Variants in PRKDC observed in about 807,000 individuals in gnomAD.
PRKDC encodes protein kinase, DNA-activated, catalytic subunit.
Under a neutral mutation model 486.9 loss-of-function variants are expected in PRKDC, and 82 were observed. The ratio of observed to expected loss-of-function variants is 0.17; its 90% CI spans 0.14 to 0.20. The LOEUF (loss-of-function observed/expected upper bound fraction) is 0.20. PRKDC is among the 10% of genes least tolerant of loss of function. The pLI is 1.00. For synonymous variants in PRKDC, 1,895 were observed against 1,837.0 expected (o/e 1.03, Z -0.81); for missense variants, 4,504 against 5,038.2 (o/e 0.89, Z 3.21).
Position 47,932,980 on chromosome 8 carries a change from C to G in PRKDC, c.1776+40G>C. ...TATTTATATGCAAAGACAGCTGATA[C>G]AAAAATGATGAAAAATTACTACTGA... On this transcript the variant is annotated intron_variant, in intron 16 of 85. Transcript: ENST00000314191. 5 of 1,519,764 alleles carry G rather than the reference C, an allele frequency of 3.3e-6. No individual in the cohort carries two copies. The South Asian group carries it at 3.8e-5, about 12-fold the overall frequency. 94.1% of individuals were successfully genotyped at this position (1,519,764 alleles called of 1,614,324 possible). A position where few individuals can be genotyped will look rare whatever the true frequency, so the allele number is the denominator to read the frequency against.
At chr8:47,818,578 CAAAAAAAAAAAA>C (rs1174698261) in intron 67 of PRKDC, among the ~76,000 whole-genome samples, 2 of 36,120 alleles carry the variant, frequency 5.5e-5, no homozygotes, top group Non-Finnish European at 1.3e-4. Flanking sequence ...GACTCCGTCT[CAAAAAAAAAAAA>C]AAAAAAAAAA....
chr8:47,933,920 T>C (rs781486231), intron 15 of PRKDC, 45 bp downstream of exon 15: 1 of 1,562,514 alleles, frequency 6.4e-7, no homozygotes, highest in Non-Finnish European at 8.7e-7. Context: ...TGGAGACTAA[T>C]AAAGGAAGTA....
intron 70 of PRKDC, among the ~76,000 whole-genome samples, chr8:47,801,990 A>C (rs1480007415): frequency 6.6e-6 from 1 of 152,204 alleles, no homozygotes; most frequent in Admixed American, 6.5e-5. Flanking sequence ...ACTAATATTA[A>C]CATCAGCAAA....
chr8:47,838,426 A>G (rs2088073008), intron 56 of PRKDC, among the ~76,000 whole-genome samples: 1 of 152,186 alleles, frequency 6.6e-6, no homozygotes. Context: ...AACTTGGGTA[A>G]CATAGCAAGA....
intron 68 of PRKDC, among the ~76,000 whole-genome samples, chr8:47,813,387 G>GTT (rs1275100236): frequency 1.9e-4 from 29 of 152,034 alleles, no homozygotes; most frequent in African/African-American, 4.3e-4. Context: ...TAAAGTGCTG[G>GTT]GATTACAGGT....
chr8:47,849,272 T>G lies in PRKDC; in HGVS notation c.7162A>C (p.Lys2388Gln), dbSNP rs1283225747. The change falls in exon 54 of 86, where the codon AAA (lysine) becomes CAA (glutamine). Residue 2388 changes from lysine to glutamine, a missense_variant. Lys to Gln is a moderately conservative substitution (Grantham distance 53, BLOSUM62 1). This residue lies in a region of PRKDC where 1,592 missense variants were observed against 1,724.6 expected (regional missense o/e 0.92). Transcript: ENST00000314191. The part of the protein sequence containing the change: ...FMNAVFFLLP[K>Q]FHGVLKTLCL... The stretch of plus-strand genomic sequence containing the variant: ...AGTGTTTTCAACACTCCATGAAATT[T>G]TGGCAGCAGAAAGAACACAGCATTC... 1.9e-6 allele frequency: 3 copies of G among 1,613,740 alleles called. No individual in the cohort carries two copies. The highest frequency in any genetic ancestry group is 2.5e-6 in the Non-Finnish European group (3 of 1,179,874).
Position 47,859,612 on chromosome 8 carries a change from C to G in PRKDC, c.6206G>C (p.Arg2069Pro). The change falls in exon 46 of 86, where the codon CGG becomes CCG. Residue 2069 changes from arginine (R) to proline (P), a missense_variant and splice_region_variant. Arg to Pro is a moderately radical substitution (Grantham distance 103, BLOSUM62 -2). Transcript: ENST00000314191. ...PRPATGRFRR[R>P]EQRDPTVHDD... is the part of the protein sequence containing the mutation. Reference sequence around the variant, plus strand: ...TTTTAGTATGTGAAATGTGATCACCCGTCTCCGAAAACGACCAGTGGCAGG... The same window carrying G: ...TTTTAGTATGTGAAATGTGATCACCGGTCTCCGAAAACGACCAGTGGCAGG... The G allele has an allele frequency of 1.2e-6, 2 of 1,611,350 alleles. No homozygotes were observed. The highest frequency in any genetic ancestry group is 1.7e-6 in the Non-Finnish European group (2 of 1,178,724).
At chr8:47,923,366 G>A (rs187293072) in intron 21 of PRKDC, among the ~76,000 whole-genome samples, 1 of 152,252 alleles carries the variant, frequency 6.6e-6, no homozygotes, top group Admixed American at 6.5e-5. Flanking sequence ...ATCATTCTAT[G>A]TAATCTGCCA....
chr8:47,896,466 T>C (rs968155749), intron 30 of PRKDC, among the ~76,000 whole-genome samples: 1 of 151,892 alleles, frequency 6.6e-6, no homozygotes, highest in Non-Finnish European at 1.5e-5. Flanking sequence ...GCTAACACGG[T>C]GAAACCCCGT....
At chr8:47,927,916 T>C (rs752729793) in intron 19 of PRKDC, 26 bp from the exon 20 acceptor site, 3 of 1,473,232 alleles carry the variant, frequency 2.0e-6, no homozygotes, top group Non-Finnish European at 2.7e-6. Context: ...GACAGTAATG[T>C]ATATCTGAAT....
chr8:47,949,764 G>A (rs933378972), intron 7 of PRKDC, among the ~76,000 whole-genome samples: 25 of 152,140 alleles, frequency 1.6e-4, no homozygotes, highest in African/African-American at 5.8e-4. Flanking sequence ...ATACAGGAGA[G>A]AGGAGAGAGA....
Position 47,939,607 on chromosome 8 carries a change from C to A in PRKDC, c.1057G>T (p.Asp353Tyr). The A allele has an allele frequency of 6.2e-7, 1 of 1,613,648 alleles. No individual in the cohort carries two copies. Among genetic ancestry groups the A allele is most frequent in the Non-Finnish European group, 8.5e-7 (1 of 1,179,612 alleles). ...EQFYGIIRNV[D>Y]SNNKELSIAI... ...ATAGATAACTCCTTGTTGTTCGAAT[C>A]CACATTTCTGATGATTCCATAAAAC... Residue 353 changes from aspartate (D) to tyrosine (Y), a missense_variant, in exon 11 of 86, where the codon GAT becomes TAT. By Grantham distance (160) the Asp-to-Tyr change is radical. Coordinates refer to ENST00000314191, the MANE Select transcript of PRKDC (RefSeq NM_006904.7).
At chr8:47,893,598 T>C (rs1374260526) in intron 30 of PRKDC, among the ~76,000 whole-genome samples, 1 of 152,230 alleles carries the variant, frequency 6.6e-6, no homozygotes, top group African/African-American at 2.4e-5. Context: ...TTGGACACCA[T>C]TTGGAGTAGC....
intron 85 of PRKDC, 79 bp downstream of exon 85, chr8:47,776,762 GCAC>G: frequency 6.6e-7 from 1 of 1,513,174 alleles, no homozygotes; most frequent in Non-Finnish European, 9.0e-7. Context: ...CAAGAGCTCA[GCAC>G]TTTGTATATA....
At chr8:47,882,453 TATGCACAA>T (rs2089240833) in intron 36 of PRKDC, among the ~76,000 whole-genome samples, 2 of 150,574 alleles carry the variant, frequency 1.3e-5, no homozygotes, top group South Asian at 4.2e-4. Flanking sequence ...AATATGCACA[TATGCACAA>T]ATGCACACTT....
At chr8:47,859,795 A>C (rs764030977) in intron 45 of PRKDC, 36 bp from the exon 46 acceptor site, 2 of 1,541,758 alleles carry the variant, frequency 1.3e-6, no homozygotes, top group South Asian at 2.3e-5. Flanking sequence ...ACATGTATTC[A>C]AACATAATTA....
intron 55 of PRKDC, 67 bp downstream of exon 55, chr8:47,839,949 C>A (rs752397967): frequency 2.4e-5 from 31 of 1,295,902 alleles, no homozygotes; most frequent in Non-Finnish European, 3.1e-5. Flanking sequence ...TGTACTCCAG[C>A]CTCGTCGACA....
intron 22 of PRKDC, among the ~76,000 whole-genome samples, chr8:47,917,627 G>A (rs1281539702): frequency 6.6e-6 from 1 of 151,944 alleles, no homozygotes; most frequent in Non-Finnish European, 1.5e-5. Flanking sequence ...GAACAAAAAA[G>A]AAAACTGGAA....
At chr8:47,931,302 C>T (rs1005047195) in intron 16 of PRKDC, among the ~76,000 whole-genome samples, 2 of 151,978 alleles carry the variant, frequency 1.3e-5, no homozygotes, top group Non-Finnish European at 2.9e-5. Context: ...AGAGCAGGAA[C>T]CAACAAGGGA....
Sources: gnomAD v4.1 joint callset for allele counts (sites outside exome capture counted in the v4.1 genomes callset) on GRCh38, gnomAD v4.1.1 for gene constraint, gnomAD v4.1.1 regional missense constraint, MANE v1.5 for transcripts, NCBI Gene and HGNC (gene_info 2026-07-23, HGNC 2026-07-21) for gene names.